Variants in SHC4 observed in about 807,000 individuals in gnomAD.
SHC4 encodes SHC-transforming protein 4.
Under a neutral mutation model 69.4 loss-of-function variants are expected in SHC4, and 41 were observed. The ratio of observed to expected loss-of-function variants is 0.59; its 90% CI spans 0.46 to 0.77. SHC4 has a LOEUF of 0.77. Ranked by LOEUF, SHC4 falls within the 30% of genes least tolerant of loss-of-function variation. The probability of loss-of-function intolerance (pLI) is 0.00; values close to 1 mark genes in which losing one functional copy is unlikely to be tolerated. For missense variants in SHC4, 777 were observed against 783.8 expected (o/e 0.99, Z 0.10); for synonymous variants, 318 against 299.3 (o/e 1.06, Z -0.64).
chr15:48,851,433 C>T (rs543574353), intron 8 of SHC4, among the ~76,000 whole-genome samples, 185 bp from the exon 9 acceptor site: 4 of 152,244 alleles, frequency 2.6e-5, no homozygotes, highest in African/African-American at 9.6e-5. Context: ...CATAGTTCAT[C>T]GCCTTGGAGC....
chr15:48,851,254 T>G lies in SHC4; in HGVS notation c.1243-6A>C. The G allele has an allele frequency of 6.2e-7, 1 of 1,613,966 alleles. No individual in the cohort carries two copies. The highest frequency in any genetic ancestry group is 8.5e-7 in the Non-Finnish European group (1 of 1,179,902). ...CTGCACTTGGAGTTTCCAGGCTGCA[T>G]GAACAACAAATTATGAAACATTTAC... On this transcript the variant is annotated splice_polypyrimidine_tract_variant and splice_region_variant and intron_variant, in intron 8 of 11. Transcript: ENST00000332408.
intron 2 of SHC4, among the ~76,000 whole-genome samples, chr15:48,919,688 A>G (rs1434598429): frequency 6.6e-6 from 1 of 152,014 alleles, no homozygotes; most frequent in East Asian, 1.9e-4. Flanking sequence ...CTTCTTTCAG[A>G]TACTTTCATG....
chr15:48,867,952 G>T, intron 5 of SHC4, 83 bp from the exon 6 acceptor site: 1 of 1,092,212 alleles, frequency 9.2e-7, no homozygotes. Flanking sequence ...ATGATACTGA[G>T]GCAAGGACTC....
intron 5 of SHC4, among the ~76,000 whole-genome samples, chr15:48,870,637 A>C (rs900572053): frequency 2.0e-5 from 3 of 152,006 alleles, no homozygotes; most frequent in African/African-American, 7.2e-5. Flanking sequence ...AGATCGTGCC[A>C]CTGCACTCCA....
chr15:48,945,122 A>G (rs1901251301), intron 1 of SHC4, among the ~76,000 whole-genome samples: 2 of 152,252 alleles, frequency 1.3e-5, no homozygotes, highest in Admixed American at 1.3e-4. Context: ...AAGAGCCCAG[A>G]TTGAAATGTT....
intron 10 of SHC4, among the ~76,000 whole-genome samples, chr15:48,842,125 T>C (rs1182405619): frequency 6.6e-6 from 1 of 152,226 alleles, no homozygotes; most frequent in East Asian, 1.9e-4. Context: ...TTGTTTATTT[T>C]TCAGTTGATT....
chr15:48,859,825 C>G (rs1899405818), intron 6 of SHC4, among the ~76,000 whole-genome samples: 1 of 152,098 alleles, frequency 6.6e-6, no homozygotes, highest in African/African-American at 2.4e-5. Flanking sequence ...ATCCGGAGAC[C>G]TAAAAAGTAC....
rs938262437 is a variant in SHC4, at chr15:48,856,291, T to C, written c.1071-167A>G. Among the ~76,000 whole-genome samples the C allele has an allele frequency of 2.0e-5, 3 of 152,188 alleles. No individual in the cohort carries two copies. The South Asian group carries it at 6.2e-4, about 32-fold the overall frequency. ...AAACATTTGGATGGGAGCAGTCAGA[T>C]GGTTGAGTTGTTTAGCTTTCTGTAG... On this transcript the variant is annotated intron_variant, in intron 7 of 11. Coordinates refer to ENST00000332408, the MANE Select transcript of SHC4 (RefSeq NM_203349.4).
chr15:48,904,926 A>G (rs987214472), intron 2 of SHC4, among the ~76,000 whole-genome samples: 1 of 138,694 alleles, frequency 7.2e-6, no homozygotes, highest in Admixed American at 7.7e-5. Flanking sequence ...GCACACACAC[A>G]CACACACAGA....
intron 1 of SHC4, among the ~76,000 whole-genome samples, chr15:48,936,600 T>A (rs1361296210): frequency 6.6e-6 from 1 of 152,184 alleles, no homozygotes; most frequent in Non-Finnish European, 1.5e-5. Context: ...ATTGTAAGTT[T>A]CCTGAGACCT....
intron 2 of SHC4, among the ~76,000 whole-genome samples, chr15:48,909,994 A>G (rs934216665): frequency 2.6e-5 from 4 of 152,116 alleles, no homozygotes; most frequent in Non-Finnish European, 4.4e-5. Flanking sequence ...TATGTTCATC[A>G]AGGATATTGG....
At chr15:48,899,106 C>G (rs569359020) in intron 2 of SHC4, among the ~76,000 whole-genome samples, 1 of 151,272 alleles carries the variant, frequency 6.6e-6, no homozygotes, top group Non-Finnish European at 1.5e-5. Flanking sequence ...TTCACTCAAG[C>G]TCACTCTAAG....
Position 48,921,668 on chromosome 15 carries a change from G to A in SHC4, c.656+3211C>T, listed in dbSNP as rs544630578. Among the ~76,000 whole-genome samples the A allele has an allele frequency of 1.3e-4, 20 of 152,242 alleles. 1 individual carries two copies. The highest frequency in any genetic ancestry group is 4.1e-4 in the South Asian group (2 of 4,822). On this transcript the variant is annotated intron_variant, in intron 2 of 11. Coordinates refer to ENST00000332408, the MANE Select transcript of SHC4 (RefSeq NM_203349.4). ...GTTTAATGAGTACAGAGTTTAATGC[G>A]TACAGTTTTTCATCTTCGGGAAGAT...
chr15:48,887,474 C>T (rs925804695), intron 3 of SHC4, among the ~76,000 whole-genome samples: 4 of 152,004 alleles, frequency 2.6e-5, no homozygotes, highest in African/African-American at 7.3e-5. Flanking sequence ...TAAAAACCAC[C>T]GCATACCAAA....
chr15:48,859,989 A>G (rs928764067), intron 6 of SHC4, among the ~76,000 whole-genome samples: 2 of 151,990 alleles, frequency 1.3e-5, no homozygotes, highest in Non-Finnish European at 2.9e-5. Context: ...TACTGTGATC[A>G]CACCTGTGAA....
At chr15:48,953,437 T>C (rs931958407) in intron 1 of SHC4, among the ~76,000 whole-genome samples, 1 of 152,096 alleles carries the variant, frequency 6.6e-6, no homozygotes, top group Admixed American at 6.5e-5. Flanking sequence ...AAACACTGTG[T>C]AAAGCAAACT....
chr15:48,832,386 G>C (rs1898822326), intron 11 of SHC4, among the ~76,000 whole-genome samples: 1 of 152,316 alleles, frequency 6.6e-6, no homozygotes, highest in East Asian at 1.9e-4. Context: ...TAGTCTTACG[G>C]TGGTTATGAT....
At chr15:48,837,364 T>A (rs191700880) in intron 10 of SHC4, among the ~76,000 whole-genome samples, 1 of 152,212 alleles carries the variant, frequency 6.6e-6, no homozygotes, top group African/African-American at 2.4e-5. Flanking sequence ...TTATTTTGCT[T>A]AATTTTAAAA....
intron 6 of SHC4, 55 bp from the exon 7 acceptor site, chr15:48,857,870 T>C: frequency 1.4e-6 from 2 of 1,389,694 alleles, no homozygotes; most frequent in Non-Finnish European, 1.9e-6. Context: ...AAAGAGAAGA[T>C]TACATAAAAT....
Sources: gnomAD v4.1 joint callset for allele counts (sites outside exome capture counted in the v4.1 genomes callset) on GRCh38, gnomAD v4.1.1 for gene constraint, MANE v1.5 for transcripts, NCBI Gene and HGNC (gene_info 2026-07-23, HGNC 2026-07-21) for gene names.